LRFN5: variants seen among roughly 807,000 people sequenced by gnomAD.
The protein encoded by LRFN5 is leucine rich repeat and fibronectin type III domain containing 5.
In LRFN5, 24 loss-of-function variants were observed where a neutral mutation model predicts 45.6. The ratio of observed to expected loss-of-function variants is 0.53; its 90% CI spans 0.38 to 0.74. The LOEUF is 0.74. Ranked by LOEUF, LRFN5 falls within the 30% of genes least tolerant of loss-of-function variation. LRFN5 has a pLI of 0.00. For missense variants in LRFN5, 776 were observed against 861.5 expected (o/e 0.90, Z 1.24); for synonymous variants, 340 against 313.8 (o/e 1.08, Z -0.88).
intron 1 of LRFN5, among the ~76,000 whole-genome samples, chr14:41,635,028 G>A (rs576244891): frequency 2.0e-5 from 3 of 151,700 alleles, no homozygotes; most frequent in African/African-American, 4.8e-5. Flanking sequence ...CTTTACAATC[G>A]GGGAATTATT....
At chr14:41,775,154 G>T (rs563500710) in intron 2 of LRFN5, among the ~76,000 whole-genome samples, 1 of 139,126 alleles carries the variant, frequency 7.2e-6, no homozygotes, top group South Asian at 2.3e-4. Context: ...GCAGTGGCGC[G>T]ATCTCGGCTC....
At chr14:41,824,898 C>T (rs1888241378) in intron 2 of LRFN5, among the ~76,000 whole-genome samples, 1 of 152,038 alleles carries the variant, frequency 6.6e-6, no homozygotes, top group African/African-American at 2.4e-5. Context: ...GCTCCAAGTC[C>T]CGGGCAAGCA....
intron 2 of LRFN5, among the ~76,000 whole-genome samples, chr14:41,847,227 T>A (rs1889100137): frequency 6.6e-6 from 1 of 152,130 alleles, no homozygotes; most frequent in Non-Finnish European, 1.5e-5. Context: ...TCAAGATTTC[T>A]GTTAAAAGTG....
intron 1 of LRFN5, among the ~76,000 whole-genome samples, chr14:41,660,004 A>C (rs933071870): frequency 1.3e-5 from 2 of 149,848 alleles, no homozygotes; most frequent in Non-Finnish European, 3.0e-5. Flanking sequence ...GTTGCCTGTT[A>C]ACTCTGATAA....
At chr14:41,730,079 T>A (rs981913458) in intron 1 of LRFN5, among the ~76,000 whole-genome samples, 2 of 152,072 alleles carry the variant, frequency 1.3e-5, no homozygotes, top group African/African-American at 2.4e-5. Flanking sequence ...GTTTCTGGTA[T>A]TTTAACATAG....
chr14:41,781,608 GAAAGAA>G (rs1886512417), intron 2 of LRFN5, among the ~76,000 whole-genome samples: 4 of 83,542 alleles, frequency 4.8e-5, no homozygotes, highest in East Asian at 3.8e-4. Context: ...AAGAAAGAAA[GAAAGAA>G]AGAGAAAGAA....
At chr14:41,783,931 A>T (rs912967935) in intron 2 of LRFN5, among the ~76,000 whole-genome samples, 2 of 152,070 alleles carry the variant, frequency 1.3e-5, no homozygotes, top group Non-Finnish European at 2.9e-5. Flanking sequence ...GTGTTATAAG[A>T]AAAGTTCTAT....
intron 2 of LRFN5, among the ~76,000 whole-genome samples, chr14:41,784,623 G>T (rs1224211152): frequency 1.5e-5 from 1 of 64,894 alleles, no homozygotes; most frequent in Admixed American, 1.7e-4. Flanking sequence ...GTGTGTATGT[G>T]TGTGTGTTTG....
intron 1 of LRFN5, among the ~76,000 whole-genome samples, chr14:41,689,623 G>A (rs986678761): frequency 2.0e-5 from 3 of 151,878 alleles, no homozygotes; most frequent in South Asian, 2.1e-4. Flanking sequence ...GGCCGGGCGC[G>A]GTGGCTCACG....
At chr14:41,752,716 G>T (rs1233902105) in intron 1 of LRFN5, among the ~76,000 whole-genome samples, 4 of 152,072 alleles carry the variant, frequency 2.6e-5, no homozygotes, top group Admixed American at 6.5e-5. Flanking sequence ...TCTGTAGGTT[G>T]CCTGTTCACT....
At chr14:41,903,101 AATT>A (rs1466410900) in intron 5 of LRFN5, among the ~76,000 whole-genome samples, 1 of 151,562 alleles carries the variant, frequency 6.6e-6, no homozygotes, top group Non-Finnish European at 1.5e-5. Context: ...AGCTTTCCAA[AATT>A]ATTATTTTTG....
chr14:41,818,226 GATAA>G (rs1190040809), intron 2 of LRFN5, among the ~76,000 whole-genome samples: 1 of 151,482 alleles, frequency 6.6e-6, no homozygotes, highest in African/African-American at 2.4e-5. Flanking sequence ...CTATTTCCTG[GATAA>G]ATACTTAACT....
intron 1 of LRFN5, among the ~76,000 whole-genome samples, chr14:41,674,524 C>G (rs1881484408): frequency 7.0e-6 from 1 of 142,118 alleles, no homozygotes; most frequent in Admixed American, 6.8e-5. Context: ...CCACCTCTCT[C>G]CAGGACGGGG....
intron 2 of LRFN5, among the ~76,000 whole-genome samples, chr14:41,839,605 A>AG (rs1198114672): frequency 2.6e-5 from 4 of 152,150 alleles, no homozygotes; most frequent in African/African-American, 4.8e-5. Context: ...TCTGGGAGGA[A>AG]GGACTACATG....
intron 2 of LRFN5, among the ~76,000 whole-genome samples, chr14:41,819,082 A>G (rs1414889484): frequency 6.6e-6 from 1 of 152,184 alleles, no homozygotes; most frequent in African/African-American, 2.4e-5. Context: ...ATTCTTTTGT[A>G]TATCCATATA....
intron 1 of LRFN5, among the ~76,000 whole-genome samples, chr14:41,658,526 G>A (rs1013743617): frequency 6.6e-6 from 1 of 151,666 alleles, no homozygotes. Context: ...TCCATCTGTA[G>A]CATATAATTT....
At chr14:41,880,029 G>A (rs1028566044) in intron 2 of LRFN5, among the ~76,000 whole-genome samples, 25 of 147,030 alleles carry the variant, frequency 1.7e-4, no homozygotes, top group African/African-American at 5.0e-4. Context: ...CTGGGTTCGC[G>A]TCAGTCTCCT....
chr14:41,787,711 A>C (rs1216665008), intron 2 of LRFN5, among the ~76,000 whole-genome samples: 1 of 151,406 alleles, frequency 6.6e-6, no homozygotes, highest in Non-Finnish European at 1.5e-5. Flanking sequence ...CGGGAATATA[A>C]CTTTTTTTTC....
intron 1 of LRFN5, among the ~76,000 whole-genome samples, chr14:41,754,725 T>C (rs2138852718): frequency 6.6e-6 from 1 of 152,286 alleles, no homozygotes; most frequent in African/African-American, 2.4e-5. Flanking sequence ...GGCTCCTGGA[T>C]TCATTGATTT....
Sources: gnomAD v4.1 joint callset for allele counts (sites outside exome capture counted in the v4.1 genomes callset) on GRCh38, gnomAD v4.1.1 for gene constraint, MANE v1.5 for transcripts, NCBI Gene and HGNC (gene_info 2026-07-23, HGNC 2026-07-21) for gene names.